The following TG variants were observed in gnomAD, a reference collection of about 807,000 sequenced individuals.
The protein encoded by TG is thyroglobulin, also known as thyroid hormones.
In TG, 270 loss-of-function variants were observed where a neutral mutation model predicts 324.7. The observed-to-expected ratio is 0.83, with a 90% CI of 0.75 to 0.92. The LOEUF (loss-of-function observed/expected upper bound fraction) is 0.92. Ranked by LOEUF, TG falls within the 40% of genes least tolerant of loss-of-function variation. The pLI is 0.00. For synonymous variants in TG, 1,401 were observed against 1,327.0 expected (o/e 1.06, Z -1.21); for missense variants, 3,591 against 3,456.4 (o/e 1.04, Z -0.98).
intron 18 of TG, among the ~76,000 whole-genome samples, chr8:132,908,636 C>G (rs1819045669): frequency 6.6e-6 from 1 of 152,084 alleles, no homozygotes; most frequent in Non-Finnish European, 1.5e-5. Context: ...AGGAGCCTGG[C>G]TAGAGTTTGG....
chr8:132,990,158 T>TTATATATATATATATATATATA (rs10536232), intron 35 of TG, among the ~76,000 whole-genome samples: 1 of 141,710 alleles, frequency 7.1e-6, no homozygotes, highest in African/African-American at 2.6e-5. Flanking sequence ...AGCTATACAA[T>TTATATATATATATATATATATA]TATATATATA....
intron 6 of TG, among the ~76,000 whole-genome samples, chr8:132,882,221 G>A (rs760449747): frequency 1.3e-4 from 20 of 152,238 alleles, no homozygotes; most frequent in Non-Finnish European, 2.1e-4. Context: ...ATGCAGCCCC[G>A]AAATTGGCGA....
intron 35 of TG, chr8:132,988,965 G>A (rs371282552): frequency 2.3e-4 from 214 of 930,144 alleles, no homozygotes; most frequent in South Asian, 1.7e-3. Flanking sequence ...GCAGAAGAAA[G>A]AGGTTTAATT....
In TG at chr8:132,994,357, C is replaced by G. The variant is rs543440628; in HGVS notation, c.6262+10945C>G. On this transcript the variant is annotated intron_variant, in intron 35 of 47. Transcript: ENST00000220616. ...TTCACAGTTTAACAAGTGGGTAAAC[C>G]GGTTCTATTCTGAGAGCAGAGATTC... Among the ~76,000 whole-genome samples the G allele has an allele frequency of 1.8e-3, 273 of 152,124 alleles. 1 individual carries two copies. Among genetic ancestry groups the G allele is most frequent in the Middle Eastern group, 3.4e-3 (1 of 294 alleles).
At chr8:132,994,478 C>A (rs1832681812) in intron 35 of TG, among the ~76,000 whole-genome samples, 1 of 152,122 alleles carries the variant, frequency 6.6e-6, no homozygotes, top group Non-Finnish European at 1.5e-5. Context: ...TGAATGGGAC[C>A]ATCCCTGAGT....
intron 35 of TG, among the ~76,000 whole-genome samples, chr8:133,007,517 G>A (rs1329239601): frequency 6.6e-6 from 1 of 152,062 alleles, no homozygotes; most frequent in Non-Finnish European, 1.5e-5. Flanking sequence ...GTATTTTAGT[G>A]GAGGTAGGTT....
chr8:132,898,394 C>T (rs2132265781), intron 13 of TG, 148 bp downstream of exon 13: 1 of 806,378 alleles, frequency 1.2e-6, no homozygotes. Context: ...CCCAAGTCCC[C>T]AGGCCTGCAA....
intron 35 of TG, among the ~76,000 whole-genome samples, chr8:132,985,202 G>C (rs1469688672): frequency 6.6e-6 from 1 of 152,164 alleles, no homozygotes; most frequent in African/African-American, 2.4e-5. Flanking sequence ...TGTGCGTCAA[G>C]TACTACATTG....
At chr8:132,905,375 G>A (rs116742685) in intron 16 of TG, among the ~76,000 whole-genome samples, 3,162 of 152,214 alleles carry the variant, frequency 0.021, 113 homozygotes, top group African/African-American at 0.073. Flanking sequence ...CAAAATCTTC[G>A]CCAGGGACCA....
intron 37 of TG, among the ~76,000 whole-genome samples, chr8:133,015,464 G>T (rs970107842): frequency 6.6e-6 from 1 of 152,194 alleles, no homozygotes; most frequent in African/African-American, 2.4e-5. Context: ...TTCTGCAAAA[G>T]AATTTGAAAG....
chr8:132,979,671 T>C (rs796882568), intron 34 of TG, among the ~76,000 whole-genome samples: 18 of 152,306 alleles, frequency 1.2e-4, no homozygotes, highest in African/African-American at 4.1e-4. Flanking sequence ...CATGCAGTGC[T>C]GTGCTGGCAA....
chr8:132,956,708 C>T (rs1027722416), intron 27 of TG, among the ~76,000 whole-genome samples: 4 of 152,166 alleles, frequency 2.6e-5, no homozygotes, highest in African/African-American at 9.6e-5. Flanking sequence ...ATTCTGACAT[C>T]CTTGTAGCTC....
chr8:133,101,388 AT>A lies in TG; in HGVS notation c.7572+5018del, dbSNP rs1358408670. On this transcript the variant is annotated intron_variant, in intron 43 of 47. Transcript: ENST00000220616. ...CCTGAATTTAGAGTTGGGCTTGTGC[AT>A]TTCTCTGTTTGCCCCAAGAAGGCTC... is the stretch of plus-strand genomic sequence containing the variant. Among the ~76,000 whole-genome samples, 200 of 152,204 alleles carry A rather than the reference AT, an allele frequency of 1.3e-3. 2 individuals are homozygous for A. Among genetic ancestry groups the A allele is most frequent in the Non-Finnish European group, 1.6e-4 (11 of 68,008 alleles).
At chr8:133,096,980 C>T (rs1848513130) in intron 43 of TG, among the ~76,000 whole-genome samples, 1 of 152,172 alleles carries the variant, frequency 6.6e-6, no homozygotes, top group African/African-American at 2.4e-5. Context: ...TGTGGCTAAC[C>T]CTGGAAGAGG....
At chr8:133,003,424 T>C (rs897153804) in intron 35 of TG, among the ~76,000 whole-genome samples, 1 of 152,008 alleles carries the variant, frequency 6.6e-6, no homozygotes, top group Non-Finnish European at 1.5e-5. Flanking sequence ...TTTTTTTTTT[T>C]TGTGGTGAGA....
Position 132,882,481 on chromosome 8 carries a change from T to C in TG, c.758T>C (p.Leu253Ser). ...RELAETGLEL[L>S]LDEIYDTIFA... is the part of the protein sequence containing the mutation. ...TGTCTTTGCTCAGGTTTGGAGTTGT[T>C]ACTGGATGAAATTTATGACACCATT... The change falls in exon 7 of 48, where the codon TTA (leucine) becomes TCA (serine). Residue 253 changes from leucine (L) to serine (S), a missense_variant. Leu to Ser is a moderately radical substitution (Grantham distance 145). Coordinates refer to ENST00000220616, the MANE Select transcript of TG (RefSeq NM_003235.5). The C allele has an allele frequency of 6.2e-7, 1 of 1,614,208 alleles. No individual in the cohort carries two copies. The highest frequency in any genetic ancestry group is 8.5e-7 in the Non-Finnish European group (1 of 1,180,002).
chr8:133,062,205 C>A (rs1194219094), intron 41 of TG, among the ~76,000 whole-genome samples: 2 of 152,098 alleles, frequency 1.3e-5, no homozygotes, highest in Non-Finnish European at 1.5e-5. Flanking sequence ...TTCATGCTTG[C>A]CCCTACCCTC....
intron 35 of TG, chr8:133,002,405 T>C: frequency 1.0e-6 from 1 of 985,478 alleles, no homozygotes; most frequent in Non-Finnish European, 1.2e-6. Flanking sequence ...TCTAAGCGAT[T>C]AATTTGTTGC....
chr8:132,941,758 G>T (rs568127684), intron 26 of TG, among the ~76,000 whole-genome samples: 1 of 152,292 alleles, frequency 6.6e-6, no homozygotes, highest in South Asian at 2.1e-4. Flanking sequence ...TGTAATACTG[G>T]TTTATTCCTT....
Sources: allele counts gnomAD v4.1 joint callset (sites outside exome capture counted in the v4.1 genomes callset), GRCh38; gene constraint gnomAD v4.1.1; transcripts MANE v1.5; gene names NCBI Gene and HGNC (gene_info 2026-07-23, HGNC 2026-07-21).